Variants in USH2A observed in about 807,000 individuals in gnomAD.
USH2A encodes Usher syndrome 2A (autosomal recessive, mild).
USH2A carries 443 observed loss-of-function variants against 538.9 expected under a neutral mutation model. The observed-to-expected ratio is 0.82, with a 90% CI of 0.76 to 0.89. The LOEUF (loss-of-function observed/expected upper bound fraction) is 0.89, where lower values mean the gene tolerates loss of function less well. Ranked by LOEUF, USH2A falls within the 40% of genes least tolerant of loss-of-function variation. USH2A has a pLI of 0.00. For missense variants in USH2A, 6,633 were observed against 6,324.8 expected, an observed-to-expected ratio of 1.05 and a Z score of -1.65; for synonymous variants, 2,413 against 2,273.5, an observed-to-expected ratio of 1.06 and a Z score of -1.75.
chr1:216,125,644 T>C (rs2102598221), intron 21 of USH2A, among the ~76,000 whole-genome samples: 1 of 152,326 alleles, frequency 6.6e-6, no homozygotes, highest in South Asian at 2.1e-4. Flanking sequence ...TAAACATCTT[T>C]TTATCAGTAT....
chr1:216,245,545 T>C (rs988098288), intron 13 of USH2A, among the ~76,000 whole-genome samples: 1 of 147,378 alleles, frequency 6.8e-6, no homozygotes, highest in Non-Finnish European at 1.5e-5. Flanking sequence ...AGTGGAAGCA[T>C]TCTAATTCCT....
At chr1:215,999,762 A>G (rs1357058090) in intron 33 of USH2A, among the ~76,000 whole-genome samples, 1 of 152,200 alleles carries the variant, frequency 6.6e-6, no homozygotes, top group African/African-American at 2.4e-5. Flanking sequence ...GAATTTAGAC[A>G]TGGAACAATG....
intron 3 of USH2A, among the ~76,000 whole-genome samples, chr1:216,370,710 G>A: frequency 1.4e-5 from 1 of 71,608 alleles, no homozygotes; most frequent in African/African-American, 4.1e-5. Flanking sequence ...AAATACTCAA[G>A]GTGCTATAGA....
chr1:216,392,790 T>C (rs2039134025), intron 3 of USH2A, among the ~76,000 whole-genome samples: 1 of 152,214 alleles, frequency 6.6e-6, no homozygotes, highest in African/African-American at 2.4e-5. Flanking sequence ...CTGGAAGGAA[T>C]TGGTTGGGTC....
intron 4 of USH2A, among the ~76,000 whole-genome samples, chr1:216,336,796 C>G (rs914529776): frequency 2.0e-5 from 3 of 151,470 alleles, no homozygotes; most frequent in African/African-American, 7.3e-5. Flanking sequence ...TAACCTAAAA[C>G]TATAATATAG....
At chr1:215,917,904 A>G (rs1348821987) in intron 38 of USH2A, among the ~76,000 whole-genome samples, 1 of 151,860 alleles carries the variant, frequency 6.6e-6, no homozygotes, top group Non-Finnish European at 1.5e-5. Context: ...TTGAGGCTGC[A>G]GTGAGCTGTG....
intron 64 of USH2A, among the ~76,000 whole-genome samples, chr1:215,658,631 C>T (rs1657344051): frequency 6.6e-6 from 1 of 152,190 alleles, no homozygotes; most frequent in South Asian, 2.1e-4. Context: ...TTTCATAGAG[C>T]CCTGCGTGGA....
intron 56 of USH2A, among the ~76,000 whole-genome samples, chr1:215,764,550 T>C (rs181147665): frequency 8.5e-5 from 13 of 152,278 alleles, no homozygotes; most frequent in Admixed American, 7.8e-4. Flanking sequence ...GAGGTTGTAA[T>C]GTACATTGAC....
chr1:215,793,607 G>GAAAT (rs1662042602), intron 50 of USH2A, among the ~76,000 whole-genome samples: 1 of 152,090 alleles, frequency 6.6e-6, no homozygotes, highest in South Asian at 2.1e-4. Flanking sequence ...ATCTTCCAGG[G>GAAAT]AAATGTTTTT....
intron 4 of USH2A, among the ~76,000 whole-genome samples, chr1:216,343,883 C>T (rs2038125476): frequency 1.3e-5 from 2 of 152,008 alleles, no homozygotes; most frequent in African/African-American, 2.4e-5. Flanking sequence ...GGGTTTTATG[C>T]CAAAAAATTA....
At chr1:215,640,193 A>G (rs1210424856) in intron 68 of USH2A, among the ~76,000 whole-genome samples, 1 of 152,172 alleles carries the variant, frequency 6.6e-6, no homozygotes, top group Non-Finnish European at 1.5e-5. Context: ...CTGGAGATAC[A>G]GCAAGAAAAT....
chr1:215,759,829 G>T lies in USH2A; in HGVS notation c.11062C>A (p.Pro3688Thr), dbSNP rs147214756. 6.2e-7 allele frequency: 1 copy of T among 1,613,914 alleles called. No homozygotes were observed. ...QAAPEGVWVT[P>T]RHIIINSTTV... ...GTAGAATTGATGATAATGTGTCGAG[G>T]TGTCACCCAAACTCCTGGCAAGAAT... Residue 3688 changes from proline (P) to threonine (T), a missense_variant, in exon 57 of 72, where the codon CCT (proline) becomes ACT (threonine). Coordinates refer to ENST00000307340, the MANE Select transcript of USH2A (RefSeq NM_206933.4).
chr1:216,056,606 T>C (rs1196827443), intron 30 of USH2A, among the ~76,000 whole-genome samples: 4 of 152,320 alleles, frequency 2.6e-5, no homozygotes, highest in South Asian at 2.1e-4. Context: ...CTTTTTACTA[T>C]AAAATATCTT....
intron 38 of USH2A, among the ~76,000 whole-genome samples, chr1:215,908,882 A>C (rs1409540378): frequency 6.6e-6 from 1 of 151,458 alleles, no homozygotes; most frequent in East Asian, 1.9e-4. Flanking sequence ...ATTGTTTTCC[A>C]GAACATTGAA....
chr1:215,634,847 A>C, intron 69 of USH2A, 144 bp from the exon 70 acceptor site: 1 of 1,400,618 alleles, frequency 7.1e-7, no homozygotes, highest in Non-Finnish European at 9.9e-7. Context: ...ACTTGTGTGC[A>C]GCCTGGGGTA....
intron 21 of USH2A, among the ~76,000 whole-genome samples, chr1:216,133,460 T>C (rs2033418555): frequency 6.6e-6 from 1 of 152,050 alleles, no homozygotes; most frequent in Non-Finnish European, 1.5e-5. Context: ...GGGTTCATGG[T>C]AGAACTCAAA....
chr1:216,401,752 T>C (rs908412269), intron 3 of USH2A, among the ~76,000 whole-genome samples: 3 of 152,058 alleles, frequency 2.0e-5, no homozygotes, highest in Non-Finnish European at 4.4e-5. Flanking sequence ...AAAGACCTAA[T>C]GATCCTAAAC....
At chr1:215,835,192 T>C (rs1176743013) in intron 47 of USH2A, among the ~76,000 whole-genome samples, 5 of 133,596 alleles carry the variant, frequency 3.7e-5, no homozygotes, top group Admixed American at 7.6e-5. Flanking sequence ...AAAAAAAAGC[T>C]GACTAAAAGC....
chr1:216,180,016 A>G (rs1166428741), intron 20 of USH2A, among the ~76,000 whole-genome samples: 1 of 152,058 alleles, frequency 6.6e-6, no homozygotes, highest in South Asian at 2.1e-4. Context: ...ATGAGGATAC[A>G]TTTTCAGTGA....
Sources: gnomAD v4.1 joint callset for allele counts (sites outside exome capture counted in the v4.1 genomes callset) on GRCh38, gnomAD v4.1.1 for gene constraint, MANE v1.5 for transcripts, NCBI Gene and HGNC (gene_info 2026-07-23, HGNC 2026-07-21) for gene names.